PDE10A: variants seen among roughly 807,000 people sequenced by gnomAD.
PDE10A encodes cAMP and cAMP-inhibited cGMP 3',5'-cyclic phosphodiesterase 10A.
In PDE10A, 39 loss-of-function variants were observed where a neutral mutation model predicts 97.7. The observed-to-expected ratio is 0.40, with a 90% CI of 0.31 to 0.52. The LOEUF is 0.52. PDE10A is among the 20% of genes least tolerant of loss of function. The pLI is 0.56. For synonymous variants in PDE10A, 371 were observed against 376.8 expected, an observed-to-expected ratio of 0.98 and a Z score of 0.18; for missense variants, 731 against 1,047.8, an observed-to-expected ratio of 0.70 and a Z score of 4.17.
intron 1 of PDE10A, among the ~76,000 whole-genome samples, chr6:165,859,650 AT>A (rs925316360): frequency 6.6e-6 from 1 of 152,182 alleles, no homozygotes; most frequent in African/African-American, 2.4e-5. Flanking sequence ...ATCCTTTTGG[AT>A]TTGTAGGGAA....
chr6:165,562,210 G>A (rs946179287), intron 1 of PDE10A, among the ~76,000 whole-genome samples: 1 of 152,050 alleles, frequency 6.6e-6, no homozygotes, highest in African/African-American at 2.4e-5. Context: ...CAATTACAAT[G>A]TTAAGACAGT....
At chr6:165,516,794 T>C (rs1426062841) in intron 2 of PDE10A, among the ~76,000 whole-genome samples, 6 of 152,108 alleles carry the variant, frequency 3.9e-5, no homozygotes, top group Non-Finnish European at 7.4e-5. Flanking sequence ...ACATACATAA[T>C]TACTCCCTTT....
chr6:165,881,792 T>A (rs1446193195), intron 1 of PDE10A, among the ~76,000 whole-genome samples: 1 of 152,156 alleles, frequency 6.6e-6, no homozygotes, highest in Non-Finnish European at 1.5e-5. Flanking sequence ...CAAGAATCTG[T>A]AAGTGGATTA....
chr6:165,343,239 G>A (rs1446828357), intron 19 of PDE10A, 152 bp downstream of exon 19: 3 of 629,362 alleles, frequency 4.8e-6, no homozygotes, highest in South Asian at 1.9e-5. Flanking sequence ...TTCTCTCTTT[G>A]TATCTGCATA....
At chr6:165,815,101 C>A (rs936133940) in intron 1 of PDE10A, among the ~76,000 whole-genome samples, 5 of 152,180 alleles carry the variant, frequency 3.3e-5, no homozygotes, top group African/African-American at 9.6e-5. Flanking sequence ...ACGTTACTTG[C>A]AGAAATAGAT....
intron 1 of PDE10A, among the ~76,000 whole-genome samples, chr6:165,866,093 C>A (rs981511943): frequency 6.6e-6 from 1 of 151,926 alleles, no homozygotes; most frequent in African/African-American, 2.4e-5. Flanking sequence ...AATAACACCA[C>A]AAATGTAAGT....
intron 1 of PDE10A, among the ~76,000 whole-genome samples, chr6:165,897,372 A>C (rs1035257771): frequency 6.6e-6 from 1 of 151,900 alleles, no homozygotes; most frequent in Non-Finnish European, 1.5e-5. Context: ...AGAATTGGGG[A>C]AGAAATGACC....
intron 1 of PDE10A, among the ~76,000 whole-genome samples, chr6:165,814,232 C>T (rs1289605393): frequency 1.3e-5 from 2 of 152,152 alleles, no homozygotes; most frequent in East Asian, 3.9e-4. Flanking sequence ...CTGGAAGGAG[C>T]CGTGCAGCAA....
intron 1 of PDE10A, among the ~76,000 whole-genome samples, chr6:165,556,212 C>T (rs553183591): frequency 6.6e-6 from 1 of 152,158 alleles, no homozygotes; most frequent in Non-Finnish European, 1.5e-5. Context: ...CTAATCCCTG[C>T]ATTGCTCAAG....
At chr6:165,773,703 A>C (rs1228691107) in intron 1 of PDE10A, among the ~76,000 whole-genome samples, 1 of 152,214 alleles carries the variant, frequency 6.6e-6, no homozygotes, top group Non-Finnish European at 1.5e-5. Flanking sequence ...TCCAGATAAC[A>C]GTCTATTAAG....
At chr6:165,599,701 C>G (rs144015779) in intron 1 of PDE10A, among the ~76,000 whole-genome samples, 1,549 of 152,254 alleles carry the variant, frequency 0.01, 35 homozygotes, top group African/African-American at 0.035. Context: ...CAAGCACCCT[C>G]CTCACCATAT....
chr6:165,657,444 A>AT (rs1364403319), intron 1 of PDE10A, among the ~76,000 whole-genome samples: 4 of 152,230 alleles, frequency 2.6e-5, no homozygotes, highest in Admixed American at 6.5e-5. Flanking sequence ...CATGAAAATT[A>AT]TTTTTTCTCT....
chr6:165,469,449 T>C (rs1264523436), intron 3 of PDE10A, among the ~76,000 whole-genome samples: 1 of 152,218 alleles, frequency 6.6e-6, no homozygotes, highest in Non-Finnish European at 1.5e-5. Context: ...AGCAGCAAAG[T>C]TCCTGAAAAG....
intron 18 of PDE10A, among the ~76,000 whole-genome samples, chr6:165,376,032 CACA>C (rs370629323): frequency 2.6e-5 from 4 of 152,326 alleles, no homozygotes; most frequent in African/African-American, 4.8e-5. Context: ...AGCCTGTTCA[CACA>C]ACATCTATTC....
rs9457074 is a variant in PDE10A at position 165,339,195 on chromosome 6, C to T, written c.2976+83G>A. 2.6e-3 allele frequency: 2,102 copies of T among 822,300 alleles called. 32 individuals carry two copies. In the African/African-American group the frequency reaches 0.032, roughly 12 times the overall value. The allele number at this position is 822,300 out of a possible 1,614,324, so 50.9% of individuals were successfully genotyped here. On this transcript the variant is annotated intron_variant, in intron 20 of 21. Transcript: ENST00000539869. ...ATTCCCTTAACATAATATATGATGA[C>T]ATGCTTTCCATTTATGTATGATTTT...
At chr6:165,583,878 C>T (rs1262800640) in intron 1 of PDE10A, among the ~76,000 whole-genome samples, 1 of 152,164 alleles carries the variant, frequency 6.6e-6, no homozygotes, top group Admixed American at 6.5e-5. Context: ...CTAAAATGTT[C>T]ACTTCCTGTT....
At position 165,672,685 on chromosome 6, in the gene PDE10A, T is replaced by A. The variant is rs187151723; in HGVS notation, c.-614-129117A>T. Among the ~76,000 whole-genome samples the A allele has an allele frequency of 2.2e-3, 335 of 152,324 alleles. 1 individual carries two copies. Among genetic ancestry groups the A allele is most frequent in the South Asian group, 0.011 (53 of 4,824 alleles). On this transcript the variant is annotated intron_variant, in intron 1 of 19. Transcript: ENST00000366882. ...CACACTTCACTTGTCTGCCGCTATGTGAGACGTTCCTTTCACCTTCTGCCA... is the reference window on the plus strand; with the variant it reads ...CACACTTCACTTGTCTGCCGCTATGAGAGACGTTCCTTTCACCTTCTGCCA...
At chr6:165,391,537 G>A (rs115874464) in intron 16 of PDE10A, among the ~76,000 whole-genome samples, 262 of 152,148 alleles carry the variant, frequency 1.7e-3, no homozygotes, top group African/African-American at 6.1e-3. Flanking sequence ...CAACAGTATG[G>A]GGTTCAATAG....
In PDE10A at chr6:165,336,221, T is replaced by C. The variant is rs1303320725; in HGVS notation, c.2977-10A>G. 6.2e-7 allele frequency: 1 copy of C among 1,606,322 alleles called. No homozygotes were observed. ...CATTGTAGAACCCAAGCTGCCTCCA[T>C]GCAAAAACCACGGACAAGAAACAAA... On this transcript the variant is annotated splice_polypyrimidine_tract_variant and intron_variant, in intron 20 of 21. Coordinates refer to ENST00000539869, the MANE Select transcript of PDE10A (RefSeq NM_001385079.1).
Sources: gnomAD v4.1 joint callset for allele counts (sites outside exome capture counted in the v4.1 genomes callset) on GRCh38, gnomAD v4.1.1 for gene constraint, MANE v1.5 for transcripts, NCBI Gene and HGNC (gene_info 2026-07-23, HGNC 2026-07-21) for gene names.